The following MICAL1 variants were observed in gnomAD, a reference collection of about 807,000 sequenced individuals.
MICAL1 encodes the protein microtubule associated monooxygenase, calponin and LIM domain containing 1.
A neutral mutation model predicts 131.8 loss-of-function variants in MICAL1; 95 were observed. The ratio of observed to expected loss-of-function variants is 0.72; its 90% CI spans 0.61 to 0.86. MICAL1 has a LOEUF of 0.86. Ranked by LOEUF, MICAL1 falls within the 40% of genes least tolerant of loss-of-function variation. The pLI is 0.00. For synonymous variants in MICAL1, 546 were observed against 554.2 expected, an observed-to-expected ratio of 0.99 and a Z score of 0.21; for missense variants, 1,292 against 1,380.6, an observed-to-expected ratio of 0.94 and a Z score of 1.02.
chr6:109,445,117 C>T, intron 22 of MICAL1, 80 bp downstream of exon 22: 3 of 1,580,310 alleles, frequency 1.9e-6, no homozygotes, highest in East Asian at 2.2e-5. Context: ...TGTGGCATAG[C>T]CACTGGGACT....
At chr6:109,456,259 T>G (rs913233924), upstream of MICAL1, among the ~76,000 whole-genome samples, 2 of 152,040 alleles carry the variant, frequency 1.3e-5, no homozygotes, top group African/African-American at 4.8e-5. Context: ...GAGAGGGCGC[T>G]CAGGCTCCTC....
chr6:109,445,364 T>G (rs1167079713), intron 21 of MICAL1, 52 bp downstream of exon 21: 1 of 1,612,670 alleles, frequency 6.2e-7, no homozygotes, highest in African/African-American at 1.3e-5. Context: ...AACTCTGATC[T>G]CAGTCTCAGA....
At chr6:109,455,998 C>T (rs1019759535), upstream of MICAL1, 9 of 985,884 alleles carry the variant, frequency 9.1e-6, no homozygotes, top group Non-Finnish European at 9.6e-6. The surrounding 1 kb of genome is among the most constrained non-coding windows in gnomAD (Gnocchi z 4.7). Flanking sequence ...CCCGCCCATG[C>T]CTGCAGGGTG....
At chr6:109,458,504 G>A (rs1775812066), upstream of MICAL1, among the ~76,000 whole-genome samples, 1 of 152,218 alleles carries the variant, frequency 6.6e-6, no homozygotes. Context: ...GCTGAGGCAG[G>A]AGAATCGCTT....
chr6:109,460,648 C>T (rs1378332296), upstream of MICAL1, among the ~76,000 whole-genome samples: 1 of 152,014 alleles, frequency 6.6e-6, no homozygotes, highest in East Asian at 1.9e-4. Flanking sequence ...AGAGGTCACT[C>T]CTTGAGAGCT....
At chr6:109,458,154 TATTA>T (rs1410105749), upstream of MICAL1, among the ~76,000 whole-genome samples, 1 of 152,230 alleles carries the variant, frequency 6.6e-6, no homozygotes, top group East Asian at 1.9e-4. Flanking sequence ...TAAAGCTATT[TATTA>T]ACCACAAGAA....
chr6:109,450,116 A>C, intron 8 of MICAL1, 31 bp from the exon 9 acceptor site: 1 of 1,603,914 alleles, frequency 6.2e-7, no homozygotes, highest in Non-Finnish European at 8.5e-7. Context: ...GAAGCAGCTC[A>C]GGGAGAATCC....
Position 109,447,400 on chromosome 6 carries a change from G to A in MICAL1, c.2027C>T (p.Pro676Leu), listed in dbSNP as rs773936161. ...GGGTGTCAGGGGTACACCAGGCTCTGGGTCAGGTGGCACCTCAGTACTTGG... is the reference window on the plus strand; with the variant it reads ...GGGTGTCAGGGGTACACCAGGCTCTAGGTCAGGTGGCACCTCAGTACTTGG... ...ETPSTEVPPD[P>L]EPGVPLTPPS... Residue 676 changes from proline (P) to leucine (L), a missense_variant, in exon 16 of 25, where the codon CCA (proline) becomes CTA (leucine). Transcript: ENST00000358807. The A allele has an allele frequency of 4.3e-6, 7 of 1,613,688 alleles. No individual in the cohort carries two copies. Among genetic ancestry groups the A allele is most frequent in the East Asian group, 2.2e-5 (1 of 44,858 alleles).
At position 109,446,297 on chromosome 6, in the gene MICAL1, C is replaced by A; in HGVS notation, c.2420G>T (p.Arg807Leu). The A allele has an allele frequency of 6.2e-7, 1 of 1,614,100 alleles. No homozygotes were observed. Among genetic ancestry groups the A allele is most frequent in the Non-Finnish European group, 8.5e-7 (1 of 1,179,998 alleles). The change falls in exon 19 of 25, where the codon CGC becomes CTC. Residue 807 changes from arginine to leucine, a missense_variant. Coordinates refer to ENST00000358807, the MANE Select transcript of MICAL1 (RefSeq NM_022765.4). ...DPSQPTRRQI[R>L]LSSPERQRLS... ...CCGCTGGCGCTCCGGGCTGGAGAGGCGGATCTGCCGACGGGTGGGCTGGCT... is the reference window on the plus strand; with the variant it reads ...CCGCTGGCGCTCCGGGCTGGAGAGGAGGATCTGCCGACGGGTGGGCTGGCT...
At chr6:109,457,657 T>C (rs971683316), upstream of MICAL1, among the ~76,000 whole-genome samples, 3 of 152,098 alleles carry the variant, frequency 2.0e-5, no homozygotes, top group Non-Finnish European at 4.4e-5. Flanking sequence ...TTACTACAAC[T>C]ACAGCGGCTA....
Position 109,445,451 on chromosome 6 carries a change from T to C in MICAL1, c.2752A>G (p.Lys918Glu), listed in dbSNP as rs891652521. The C allele has an allele frequency of 1.9e-6, 3 of 1,614,078 alleles. No homozygotes were observed. The highest frequency in any genetic ancestry group is 2.2e-5 in the East Asian group (1 of 44,880). ...CAGAACCTCTTCATCTCCTCCTCCT[T>C]CGCACGGCGCAGCAGAGTCCGACGC... ...TWRRTLLRRA[K>E]EEEMKRFCKA... Residue 918 changes from lysine to glutamate, a missense_variant, in exon 21 of 25, where the codon AAG becomes GAG. Coordinates refer to ENST00000358807, the MANE Select transcript of MICAL1 (RefSeq NM_022765.4).
Position 109,445,771 on chromosome 6 carries a change from C to T in MICAL1, c.2673G>A (p.Gln891=), listed in dbSNP as rs1242446757. 5 of 1,610,062 alleles carry T rather than the reference C, an allele frequency of 3.1e-6. No homozygotes were observed. The highest frequency in any genetic ancestry group is 4.2e-6 in the Non-Finnish European group (5 of 1,178,434). ...TGTGGCTGCACGCTGGCCCACTCAC[C>T]TGTTCCACATCTGAGTCCAAAGGCA... ...EDVPLDSDVE[Q]ALQTFAKTSG... is the part of the protein sequence containing the mutation. Residue 891 remains glutamine (Q), a splice_region_variant and synonymous_variant, in exon 20 of 25, where the codon CAG becomes CAA. Coordinates refer to ENST00000358807, the MANE Select transcript of MICAL1 (RefSeq NM_022765.4).
At chr6:109,465,369 G>C (rs113365651) in intron 1 of MICAL1, 89 of 445,926 alleles carry the variant, frequency 2.0e-4, no homozygotes, top group Admixed American at 8.5e-4. Context: ...ATTGTGATCT[G>C]TCATATTTAG....
upstream of MICAL1, chr6:109,456,075 T>C: frequency 3.1e-6 from 3 of 972,122 alleles, no homozygotes; most frequent in Non-Finnish European, 3.7e-6. Context: ...GTCTGGCCTG[T>C]TGGGGGCTGA....
rs757924541 is a variant in MICAL1 at position 109,445,882 on chromosome 6, C to T, written c.2582-20G>A. On this transcript the variant is annotated intron_variant, in intron 19 of 24. Coordinates refer to ENST00000358807, the MANE Select transcript of MICAL1 (RefSeq NM_022765.4). ...CAAGAGCTGAGAAGAAGAACTGAGACGTTCTACTGCCTCCAGCGCCTGCCC... is the reference window on the plus strand; with the variant it reads ...CAAGAGCTGAGAAGAAGAACTGAGATGTTCTACTGCCTCCAGCGCCTGCCC... The T allele has an allele frequency of 2.5e-4, 393 of 1,588,340 alleles. No homozygotes were observed. Among genetic ancestry groups the T allele is most frequent in the Middle Eastern group, 5.3e-4 (3 of 5,670 alleles).
At chr6:109,463,420 C>G (rs1034352429) in intron 1 of MICAL1, 1 of 152,210 alleles carries the variant, frequency 6.6e-6, no homozygotes, top group Non-Finnish European at 1.5e-5. Flanking sequence ...GACTGATGCT[C>G]AAGTTAGAAA....
chr6:109,457,979 C>T (rs927578927), upstream of MICAL1, among the ~76,000 whole-genome samples: 3 of 152,150 alleles, frequency 2.0e-5, no homozygotes, highest in Admixed American at 6.5e-5. Flanking sequence ...AACCACACTT[C>T]GTCTGCCCAT....
intron 22 of MICAL1, 75 bp downstream of exon 22, chr6:109,445,121 TG>T (rs913690602): frequency 3.2e-6 from 5 of 1,583,816 alleles, no homozygotes; most frequent in Admixed American, 3.3e-5. Flanking sequence ...GCATAGCCAC[TG>T]GGACTCCTAC....
upstream of MICAL1, among the ~76,000 whole-genome samples, chr6:109,458,723 C>T (rs747832195): frequency 6.6e-6 from 1 of 152,206 alleles, no homozygotes; most frequent in Non-Finnish European, 1.5e-5. Flanking sequence ...TGTTCTGTCA[C>T]CTCCCAATTT....
Sources: gnomAD v4.1 joint callset for allele counts (sites outside exome capture counted in the v4.1 genomes callset) on GRCh38, gnomAD v4.1.1 for gene constraint, Gnocchi (gnomAD v3.1) non-coding constraint, MANE v1.5 for transcripts, NCBI Gene and HGNC (gene_info 2026-07-23, HGNC 2026-07-21) for gene names.